The following ANO7 variants were observed in gnomAD, a reference collection of about 807,000 sequenced individuals.
ANO7 encodes the protein anoctamin-7.
Under a neutral mutation model 115.8 loss-of-function variants are expected in ANO7, and 114 were observed. The ratio of observed to expected loss-of-function variants is 0.98; its 90% CI spans 0.85 to 1.15. ANO7 has a LOEUF of 1.15. Ranked by LOEUF, ANO7 falls within the 50% of genes most tolerant of loss-of-function variation. The pLI, the probability that ANO7 is intolerant of heterozygous loss-of-function variation, is 0.00. For synonymous variants in ANO7, 550 were observed against 498.2 expected, an observed-to-expected ratio of 1.10 and a Z score of -1.38; for missense variants, 1,302 against 1,201.2, an observed-to-expected ratio of 1.08 and a Z score of -1.24.
intron 11 of ANO7, 41 bp downstream of exon 11, chr2:241,207,711 G>A: frequency 2.5e-6 from 4 of 1,573,228 alleles, no homozygotes; most frequent in Non-Finnish European, 3.5e-6. Context: ...TTGAGAGTCG[G>A]GGATGAGGAG....
At chr2:241,201,661 G>A (rs537238626) in intron 7 of ANO7, among the ~76,000 whole-genome samples, 6 of 152,318 alleles carry the variant, frequency 3.9e-5, no homozygotes, top group African/African-American at 1.2e-4. Flanking sequence ...GGGTCCTGCC[G>A]GCTGGGAGCA....
chr2:241,192,508 A>G (rs1291903563), intron 3 of ANO7, among the ~76,000 whole-genome samples: 1 of 152,070 alleles, frequency 6.6e-6, no homozygotes. Flanking sequence ...TCTTCCTCCT[A>G]TAAGGACACG....
At chr2:241,240,126 C>T in the ANO7 span, 1 of 1,613,886 alleles carries the variant, frequency 6.2e-7, no homozygotes, top group African/African-American at 1.3e-5. The surrounding 1 kb of genome is among the most constrained non-coding windows in gnomAD (Gnocchi z 5.5). Flanking sequence ...TGGTTTGCTG[C>T]AGAAACCAAT....
At chr2:241,198,323 G>C (rs1299998510) in intron 4 of ANO7, among the ~76,000 whole-genome samples, 2 of 152,172 alleles carry the variant, frequency 1.3e-5, no homozygotes, top group Non-Finnish European at 2.9e-5. Flanking sequence ...AGAGCTAACA[G>C]CCACCCCACT....
intron 22 of ANO7, 179 bp from the exon 23 acceptor site, chr2:241,223,480 CAGG>C: frequency 9.2e-7 from 1 of 1,087,032 alleles, no homozygotes; most frequent in South Asian, 1.5e-5. Flanking sequence ...GGTGTCTCCA[CAGG>C]AGCCCCAGGG....
chr2:241,203,791 T>C lies in ANO7; in HGVS notation c.889+293T>C, dbSNP rs1331177805. On this transcript the variant is annotated intron_variant, in intron 9 of 24. Coordinates refer to ENST00000674324, the MANE Select transcript of ANO7 (RefSeq NM_001370694.2). The surrounding 1 kb of genome is among the most constrained non-coding windows in gnomAD (Gnocchi z 4.8). ...TCCCTCCCCGAATGTCACTGGCCCA[T>C]GAGGCCCTGGGGCAACCCCAGGAAC... 6.6e-6 allele frequency among the ~76,000 whole-genome samples: 1 copy of C among 152,026 alleles called. No individual in the cohort carries two copies. The highest frequency in any genetic ancestry group is 1.5e-5 in the Non-Finnish European group (1 of 67,984).
intron 21 of ANO7, among the ~76,000 whole-genome samples, chr2:241,220,456 G>A (rs2068984113): frequency 6.6e-6 from 1 of 152,216 alleles, no homozygotes; most frequent in South Asian, 2.1e-4. Context: ...CAGCACTTTG[G>A]GAGGCCGAGG....
At chr2:241,232,130 C>T in the ANO7 span, among the ~76,000 whole-genome samples, 1 of 152,224 alleles carries the variant, frequency 6.6e-6, no homozygotes, top group Non-Finnish European at 1.5e-5. Flanking sequence ...CTGACAGCCT[C>T]AGGCACCACC....
chr2:241,231,631 TGTGCTGG>T, the ANO7 span, among the ~76,000 whole-genome samples: 2 of 152,036 alleles, frequency 1.3e-5, no homozygotes, highest in African/African-American at 4.8e-5. Flanking sequence ...GAGGCATCTT[TGTGCTGG>T]AGGCTGGAGG....
At chr2:241,238,967 C>T in the ANO7 span, among the ~76,000 whole-genome samples, 1 of 152,184 alleles carries the variant, frequency 6.6e-6, no homozygotes, top group Non-Finnish European at 1.5e-5. This position sits in a 1 kb window ranked among gnomAD's most constrained non-coding sequence, Gnocchi z 4.9. Context: ...CAGGACAGGT[C>T]TAAGGGGGTG....
In ANO7 at chr2:241,203,197, C is replaced by G; in HGVS notation, c.724-136C>G. The G allele has an allele frequency of 1.6e-6, 1 of 610,482 alleles. No homozygotes were observed. Among genetic ancestry groups the G allele is most frequent in the Non-Finnish European group, 2.7e-6 (1 of 376,194 alleles). The allele number at this position is 610,482 out of a possible 1,614,324, so 37.8% of individuals were successfully genotyped here. ...CCTGTACCCACCCCTCCACATTACT[C>G]TATTTTTTCTTCATGGAGCAATCCC... is the stretch of plus-strand genomic sequence containing the variant. On this transcript the variant is annotated intron_variant, in intron 8 of 24. Coordinates refer to ENST00000674324, the MANE Select transcript of ANO7 (RefSeq NM_001370694.2). This position sits in a 1 kb window ranked among gnomAD's most constrained non-coding sequence, Gnocchi z 4.8.
At chr2:241,205,413 C>T (rs2012160) in intron 10 of ANO7, among the ~76,000 whole-genome samples, 115,452 of 149,184 alleles carry the variant, frequency 0.77, 44,828 homozygotes, top group East Asian at 0.91. Context: ...GCTAGGACTG[C>T]TCTCAGGCTG....
chr2:241,220,236 G>C (rs2068975740), intron 21 of ANO7, among the ~76,000 whole-genome samples: 1 of 152,116 alleles, frequency 6.6e-6, no homozygotes, highest in Non-Finnish European at 1.5e-5. Context: ...ATACACATAT[G>C]TATGCATAGA....
downstream of ANO7, chr2:241,230,085 C>T (rs2069561866): frequency 1.9e-6 from 3 of 1,590,060 alleles, no homozygotes; most frequent in Middle Eastern, 3.6e-4. The surrounding 1 kb of genome is among the most constrained non-coding windows in gnomAD (Gnocchi z 5.0). Flanking sequence ...CCCTGAAGCT[C>T]CTGGCTGGGC....
intron 7 of ANO7, among the ~76,000 whole-genome samples, 173 bp downstream of exon 7, chr2:241,201,528 G>A (rs2068472174): frequency 6.6e-6 from 1 of 152,224 alleles, no homozygotes; most frequent in African/African-American, 2.4e-5. Context: ...ACACAGGGCA[G>A]GCCATGACCT....
the ANO7 span, among the ~76,000 whole-genome samples, chr2:241,234,741 T>A: frequency 6.6e-6 from 1 of 152,202 alleles, no homozygotes; most frequent in East Asian, 1.9e-4. Flanking sequence ...TCATTCGCCC[T>A]TTGACCACCC....
the ANO7 span, chr2:241,236,878 G>A: frequency 8.5e-7 from 1 of 1,179,738 alleles, no homozygotes; most frequent in Non-Finnish European, 1.2e-6. Flanking sequence ...GGTGGTAAAA[G>A]GGAGGGAAAA....
At chr2:241,229,842 G>A, downstream of ANO7, 2 of 1,464,526 alleles carry the variant, frequency 1.4e-6, no homozygotes, top group Non-Finnish European at 1.8e-6. Context: ...CCTTCTCACT[G>A]CTGCTGGCGG....
chr2:241,212,721 C>A, intron 17 of ANO7, 95 bp downstream of exon 17: 1 of 1,352,232 alleles, frequency 7.4e-7, no homozygotes, highest in Non-Finnish European at 1.0e-6. Flanking sequence ...GCAATTCCTC[C>A]CACCACCGGC....
Sources: gnomAD v4.1 joint callset for allele counts (sites outside exome capture counted in the v4.1 genomes callset) on GRCh38, gnomAD v4.1.1 for gene constraint, Gnocchi (gnomAD v3.1) non-coding constraint, MANE v1.5 for transcripts, NCBI Gene and HGNC (gene_info 2026-07-23, HGNC 2026-07-21) for gene names.